The following EIF2B2 variants were observed in gnomAD, a reference collection of about 807,000 sequenced individuals.
EIF2B2 encodes translation initiation factor eIF2B subunit beta.
A neutral mutation model predicts 34.7 loss-of-function variants in EIF2B2; 34 were observed. The observed-to-expected ratio is 0.98, with a 90% CI of 0.75 to 1.31. The LOEUF is 1.31. EIF2B2 is among the 50% of genes most tolerant of loss of function. The pLI is 0.00. For synonymous variants in EIF2B2, 155 were observed against 171.6 expected, an observed-to-expected ratio of 0.90 and a Z score of 0.76; for missense variants, 361 against 447.7, an observed-to-expected ratio of 0.81 and a Z score of 1.75.
intron 4 of EIF2B2, 120 bp downstream of exon 4, chr14:75,005,020 A>T: frequency 9.8e-7 from 1 of 1,022,146 alleles, no homozygotes; most frequent in Non-Finnish European, 1.5e-6. Context: ...CACTGAGAAG[A>T]TCAAGTAAAA....
chr14:75,003,503 C>CT, intron 2 of EIF2B2, 48 bp from the exon 3 acceptor site: 1 of 1,614,138 alleles, frequency 6.2e-7, no homozygotes, highest in Non-Finnish European at 8.5e-7. Flanking sequence ...TGTTACCTGC[C>CT]TGACCACTCC....
At chr14:75,008,723 G>A (rs1889662546) in intron 7 of EIF2B2, among the ~76,000 whole-genome samples, 1 of 152,204 alleles carries the variant, frequency 6.6e-6, no homozygotes, top group African/African-American at 2.4e-5. Context: ...GCCATACATG[G>A]CTAGACAGTA....
chr14:75,008,992 G>T, intron 7 of EIF2B2, 39 bp from the exon 8 acceptor site: 3 of 1,613,256 alleles, frequency 1.9e-6, no homozygotes, highest in Non-Finnish European at 2.5e-6. Flanking sequence ...GAGAGAGGGA[G>T]CCTCAGTTTT....
In EIF2B2 at chr14:75,009,104, T is replaced by C; in HGVS notation, c.972T>C (p.Phe324=). 6.2e-7 allele frequency: 1 copy of C among 1,614,108 alleles called. No individual in the cohort carries two copies. The highest frequency in any genetic ancestry group is 8.5e-7 in the Non-Finnish European group (1 of 1,180,004). ...DYVPPELITL[F]ISNIGGNAPS... ...TTCCCCCAGAGCTCATTACCCTCTT[T>C]ATCTCCAACATTGGTGGGAATGCAC... The change falls in exon 8 of 8, where the codon TTT becomes TTC. Residue 324 remains phenylalanine (F), a synonymous_variant. Transcript: ENST00000266126.
chr14:75,007,907 G>GT (rs1889651154), intron 7 of EIF2B2, 119 bp downstream of exon 7: 3 of 971,816 alleles, frequency 3.1e-6, no homozygotes, highest in Admixed American at 2.0e-5. Context: ...GTCAAGTTGT[G>GT]TTTTTTATCA....
chr14:75,008,273 G>A (rs78604175), intron 7 of EIF2B2: 2,743 of 196,406 alleles, frequency 0.014, 88 homozygotes, highest in African/African-American at 0.063. Flanking sequence ...CTCATTACGC[G>A]TGCAGCCTCA....
In EIF2B2 at chr14:75,006,176, C is replaced by A; in HGVS notation, c.693+215C>A. ...GAGTAGCCTCTAAATTTGGTTGAAG[C>A]ATTGAAAAGAATGAAGTATTAAATA... On this transcript the variant is annotated intron_variant, in intron 5 of 7. Transcript: ENST00000266126. This position sits in a 1 kb window ranked among gnomAD's most constrained non-coding sequence, Gnocchi z 4.1. 1.9e-6 allele frequency: 1 copy of A among 535,322 alleles called. No homozygotes were observed. The highest frequency in any genetic ancestry group is 3.3e-6 in the Non-Finnish European group (1 of 299,066). 33.2% of individuals were successfully genotyped at this position (535,322 alleles called of 1,614,324 possible). A position where few individuals can be genotyped will look rare whatever the true frequency, so the allele number is the denominator to read the frequency against.
chr14:75,003,731 T>TG (rs1474205123), intron 3 of EIF2B2, 32 bp downstream of exon 3: 1 of 1,613,968 alleles, frequency 6.2e-7, no homozygotes, highest in South Asian at 1.1e-5. Context: ...AAAATGGGAC[T>TG]GGTCACAGGC....
chr14:75,003,505 GA>G, intron 2 of EIF2B2, 45 bp from the exon 3 acceptor site: 1 of 1,614,092 alleles, frequency 6.2e-7, no homozygotes, highest in Non-Finnish European at 8.5e-7. Context: ...TTACCTGCCT[GA>G]CCACTCCTCC....
chr14:75,009,278 G>A lies in EIF2B2; in HGVS notation c.*90G>A. On this transcript the variant is annotated 3_prime_UTR_variant, in exon 8 of 8. Coordinates refer to ENST00000266126, the MANE Select transcript of EIF2B2 (RefSeq NM_014239.4). ...TGCTGCTGAAGCACATCCTTGCAAT[G>A]TGGGAGTGCACAGGAGTCCACCTAA... The A allele has an allele frequency of 1.3e-6, 2 of 1,521,566 alleles. No homozygotes were observed. The highest frequency in any genetic ancestry group is 1.1e-5 in the South Asian group (1 of 88,810). The allele number at this position is 1,521,566 out of a possible 1,614,324, so 94.3% of individuals were successfully genotyped here.
At chr14:75,007,883 T>A in intron 7 of EIF2B2, 95 bp downstream of exon 7, 1 of 1,174,674 alleles carries the variant, frequency 8.5e-7, no homozygotes, top group Non-Finnish European at 1.3e-6. Context: ...TGTTGGTCAG[T>A]AGAACTGAAT....
intron 4 of EIF2B2, 97 bp from the exon 5 acceptor site, chr14:75,005,769 C>T: frequency 1.1e-6 from 1 of 903,112 alleles, no homozygotes; most frequent in Non-Finnish European, 1.8e-6. Context: ...CTGGATATGC[C>T]CATATCACAC....
rs1453263380 is a variant in EIF2B2, at chr14:75,007,361, A to C, written c.832-361A>C. 4 of 346,408 alleles carry C rather than the reference A, an allele frequency of 1.2e-5. No individual in the cohort carries two copies. The East Asian group carries it at 3.0e-4, about 26-fold the overall frequency. The allele number at this position is 346,408 out of a possible 1,614,324, so 21.5% of individuals were successfully genotyped here. A position where few individuals can be genotyped will look rare whatever the true frequency, so the allele number is the denominator to read the frequency against. On this transcript the variant is annotated intron_variant, in intron 6 of 7. Transcript: ENST00000266126. The stretch of plus-strand genomic sequence containing the variant: ...ATTTGTCCTTCTCCCCATCTCCTCC[A>C]ATCTGCTCCTGTCTCTATGGATTTG...
rs1226655315 is a variant in EIF2B2 at position 75,003,539 on chromosome 14, T to C, written c.285-12T>C. 3.7e-6 allele frequency: 6 copies of C among 1,614,026 alleles called. No homozygotes were observed. The highest frequency in any genetic ancestry group is 5.1e-6 in the Non-Finnish European group (6 of 1,180,022). The stretch of plus-strand genomic sequence containing the variant: ...TCCCCACCTCTCTCTTTGGGTCTTG[T>C]TGCCTCTATAGACTCCATGGACGCA... On this transcript the variant is annotated splice_polypyrimidine_tract_variant and intron_variant, in intron 2 of 7. Transcript: ENST00000266126.
rs1047855420 is a variant in EIF2B2 at position 75,004,753 on chromosome 14, C to T, written c.450C>T (p.Asn150=). 1.5e-6 allele frequency: 2 copies of T among 1,322,760 alleles called. No individual in the cohort carries two copies. Among genetic ancestry groups the T allele is most frequent in the Non-Finnish European group, 2.1e-6 (2 of 956,364 alleles). The allele number at this position is 1,322,760 out of a possible 1,614,324, so 81.9% of individuals were successfully genotyped here. A position where few individuals can be genotyped will look rare whatever the true frequency, so the allele number is the denominator to read the frequency against. ...TTCTTACAGAAGGGACAATGGAGAACATTGCAGCCCAGGCTCTGGAGCACA... is the reference window on the plus strand; with the variant it reads ...TTCTTACAGAAGGGACAATGGAGAATATTGCAGCCCAGGCTCTGGAGCACA... The part of the protein sequence containing the change: ...LLVELEGTME[N]IAAQALEHIH... Residue 150 remains asparagine (N), a synonymous_variant, in exon 4 of 8, where the codon AAC becomes AAT. Coordinates refer to ENST00000266126, the MANE Select transcript of EIF2B2 (RefSeq NM_014239.4).
intron 7 of EIF2B2, chr14:75,008,225 G>A: frequency 4.4e-6 from 1 of 229,508 alleles, no homozygotes; most frequent in Admixed American, 5.2e-5. Flanking sequence ...ATGTCTTGGG[G>A]TTCTTTTCTC....
intron 7 of EIF2B2, 43 bp from the exon 8 acceptor site, chr14:75,008,988 G>T: frequency 6.2e-7 from 1 of 1,613,220 alleles, no homozygotes; most frequent in Non-Finnish European, 8.5e-7. Context: ...TTATGAGAGA[G>T]GGAGCCTCAG....
Position 75,007,848 on chromosome 14 carries a change from ATG to A in EIF2B2, c.898+64_898+65del, listed in dbSNP as rs1401865273. The A allele has an allele frequency of 3.2e-6, 5 of 1,548,404 alleles. No homozygotes were observed. In the African/African-American group the frequency reaches 6.8e-5, roughly 21 times the overall value. Reference sequence around the variant, plus strand: ...GTGTGTATTCGGGGTTTGTGTGTGCATGTGTTTTGGTCTTTTTGTTGTTTTGT... The same window carrying A: ...GTGTGTATTCGGGGTTTGTGTGTGCATGTTTTGGTCTTTTTGTTGTTTTGT... On this transcript the variant is annotated intron_variant, in intron 7 of 7. Coordinates refer to ENST00000266126, the MANE Select transcript of EIF2B2 (RefSeq NM_014239.4).
Position 75,007,769 on chromosome 14 carries a change from A to G in EIF2B2, c.879A>G (p.Glu293=). Residue 293 remains glutamate (E), a synonymous_variant, in exon 7 of 8, where the codon GAA becomes GAG. Transcript: ENST00000266126. ...DSFHKFVAPE[E]VLPFTEGDIL... ...TTCATAAGTTTGTGGCTCCTGAAGA[A>G]GTCCTGCCATTCACAGAAGGTACAG... 1 of 1,613,978 alleles carries G rather than the reference A, an allele frequency of 6.2e-7. No individual in the cohort carries two copies. Among genetic ancestry groups the G allele is most frequent in the Non-Finnish European group, 8.5e-7 (1 of 1,179,960 alleles).
Sources: allele counts gnomAD v4.1 joint callset (sites outside exome capture counted in the v4.1 genomes callset), GRCh38; gene constraint gnomAD v4.1.1; non-coding constraint Gnocchi (gnomAD v3.1); transcripts MANE v1.5; gene names NCBI Gene and HGNC (gene_info 2026-07-23, HGNC 2026-07-21).